The following BCKDHB variants were observed in gnomAD, a reference collection of about 807,000 sequenced individuals.
BCKDHB encodes branched chain keto acid dehydrogenase E1 subunit beta, also known as 2-oxoisovalerate dehydrogenase subunit beta, mitochondrial.
In BCKDHB, 41 loss-of-function variants were observed where a neutral mutation model predicts 48.5. The observed-to-expected ratio is 0.85, with a 90% CI of 0.66 to 1.10. The LOEUF is 1.10. Among genes scored for constraint, BCKDHB ranks in the 50% least tolerant of loss-of-function variants. The probability of loss-of-function intolerance (pLI) is 0.00; values close to 1 mark genes in which losing one functional copy is unlikely to be tolerated. For synonymous variants in BCKDHB, 201 were observed against 174.8 expected, an observed-to-expected ratio of 1.15 and a Z score of -1.18; for missense variants, 496 against 494.2, an observed-to-expected ratio of 1.00 and a Z score of -0.03.
At chr6:80,346,366 A>G (rs1201018490), downstream of BCKDHB, 1 of 152,332 alleles carries the variant, frequency 6.6e-6, no homozygotes. Flanking sequence ...GAATTAAAGT[A>G]CAGTATTCAC....
chr6:80,224,661 A>C (rs994502043), intron 8 of BCKDHB, among the ~76,000 whole-genome samples: 4 of 152,084 alleles, frequency 2.6e-5, no homozygotes, highest in African/African-American at 4.8e-5. Flanking sequence ...CTCCCAAGTT[A>C]AGTGCTGGGA....
At chr6:80,431,427 G>A in the BCKDHB span, among the ~76,000 whole-genome samples, 1 of 152,106 alleles carries the variant, frequency 6.6e-6, no homozygotes, top group Non-Finnish European at 1.5e-5. Context: ...GGGTGTTAAA[G>A]TCTCCAACTA....
intron 9 of BCKDHB, among the ~76,000 whole-genome samples, chr6:80,294,642 T>G (rs1346174028): frequency 6.6e-6 from 1 of 152,172 alleles, no homozygotes; most frequent in African/African-American, 2.4e-5. Flanking sequence ...AGTGTCTGTC[T>G]TATGTGCTTG....
chr6:80,303,259 C>T (rs1767679149), intron 9 of BCKDHB, among the ~76,000 whole-genome samples: 1 of 151,916 alleles, frequency 6.6e-6, no homozygotes, highest in African/African-American at 2.4e-5. Flanking sequence ...TGTCAGTATC[C>T]ACTGGCATCG....
intron 6 of BCKDHB, among the ~76,000 whole-genome samples, chr6:80,175,782 C>T (rs1233221121): frequency 6.6e-6 from 1 of 152,096 alleles, no homozygotes; most frequent in Non-Finnish European, 1.5e-5. Flanking sequence ...CTAGAAGAAG[C>T]AAAACTGAAA....
At chr6:80,266,438 A>G (rs1582468991) in intron 8 of BCKDHB, among the ~76,000 whole-genome samples, 1 of 152,162 alleles carries the variant, frequency 6.6e-6, no homozygotes, top group Non-Finnish European at 1.5e-5. Flanking sequence ...TTTATTTACT[A>G]TTTACCCATG....
At chr6:80,123,374 G>A (rs987399942) in intron 1 of BCKDHB, among the ~76,000 whole-genome samples, 3 of 152,174 alleles carry the variant, frequency 2.0e-5, no homozygotes, top group Admixed American at 1.3e-4. Flanking sequence ...ACTGTTAAAT[G>A]TCCATGAAAT....
chr6:80,121,624 A>G (rs1770025054), intron 1 of BCKDHB, among the ~76,000 whole-genome samples: 1 of 152,162 alleles, frequency 6.6e-6, no homozygotes, highest in African/African-American at 2.4e-5. Flanking sequence ...GTTTGTAGCA[A>G]TTGTGAATGG....
chr6:80,134,713 A>G (rs1246073220), intron 3 of BCKDHB, among the ~76,000 whole-genome samples: 2 of 151,752 alleles, frequency 1.3e-5, no homozygotes, highest in Non-Finnish European at 2.9e-5. Flanking sequence ...ATTTTTTCTT[A>G]AGATGTCCCT....
intron 3 of BCKDHB, among the ~76,000 whole-genome samples, chr6:80,137,456 A>G (rs1482772590): frequency 6.6e-6 from 1 of 152,186 alleles, no homozygotes; most frequent in Non-Finnish European, 1.5e-5. Context: ...TGGTACAATC[A>G]TACTTCACTG....
the BCKDHB span, among the ~76,000 whole-genome samples, chr6:80,362,296 A>G: frequency 6.6e-6 from 1 of 152,186 alleles, no homozygotes; most frequent in Admixed American, 6.5e-5. Flanking sequence ...TTCCTGGTTC[A>G]ATGAATATCC....
intron 6 of BCKDHB, among the ~76,000 whole-genome samples, chr6:80,189,886 A>G (rs1406613044): frequency 3.3e-5 from 5 of 152,154 alleles, no homozygotes; most frequent in Non-Finnish European, 2.9e-5. Context: ...ATTCTAGCTA[A>G]TTTATATATC....
intron 6 of BCKDHB, among the ~76,000 whole-genome samples, chr6:80,184,858 ACT>A (rs1380091588): frequency 6.6e-6 from 1 of 152,126 alleles, no homozygotes; most frequent in Non-Finnish European, 1.5e-5. Context: ...TTGCCTCACA[ACT>A]CTGAAGATTC....
At chr6:80,240,705 G>C (rs1031011338) in intron 8 of BCKDHB, among the ~76,000 whole-genome samples, 1 of 152,152 alleles carries the variant, frequency 6.6e-6, no homozygotes, top group African/African-American at 2.4e-5. Context: ...ACCCTGTGTT[G>C]AATAGGAGTG....
At chr6:80,207,261 C>A (rs913357637) in intron 8 of BCKDHB, among the ~76,000 whole-genome samples, 1 of 151,804 alleles carries the variant, frequency 6.6e-6, no homozygotes, top group Non-Finnish European at 1.5e-5. Context: ...AATAAAAACA[C>A]AAAAGCTAGG....
At chr6:80,342,902 G>T (rs1769991336) in intron 9 of BCKDHB, among the ~76,000 whole-genome samples, 1 of 152,124 alleles carries the variant, frequency 6.6e-6, no homozygotes, top group Non-Finnish European at 1.5e-5. Flanking sequence ...CAGATCTCTA[G>T]CCTCATGGGA....
chr6:80,259,701 C>T (rs1777209795), intron 8 of BCKDHB, among the ~76,000 whole-genome samples: 1 of 152,110 alleles, frequency 6.6e-6, no homozygotes, highest in Admixed American at 6.5e-5. Context: ...ATAACGATGA[C>T]ATTAATCATC....
the BCKDHB span, among the ~76,000 whole-genome samples, chr6:80,376,021 T>C: frequency 6.6e-6 from 1 of 152,108 alleles, no homozygotes. Flanking sequence ...AGGATTACCT[T>C]TGGATAAGTA....
the BCKDHB span, among the ~76,000 whole-genome samples, chr6:80,417,728 G>T: frequency 6.6e-6 from 1 of 152,098 alleles, no homozygotes; most frequent in African/African-American, 2.4e-5. Context: ...TCTTCCTTTT[G>T]TAGGTGACCT....
Sources: allele counts gnomAD v4.1 joint callset (sites outside exome capture counted in the v4.1 genomes callset), GRCh38; gene constraint gnomAD v4.1.1; transcripts MANE v1.5; gene names NCBI Gene and HGNC (gene_info 2026-07-23, HGNC 2026-07-21).